The following CDR2L variants were observed in gnomAD, a reference collection of about 807,000 sequenced individuals.
The protein encoded by CDR2L is cerebellar degeneration-related protein 2-like.
In CDR2L, 19 loss-of-function variants were observed where a neutral mutation model predicts 36.1. The ratio of observed to expected loss-of-function variants is 0.53; its 90% CI spans 0.37 to 0.77. The LOEUF (loss-of-function observed/expected upper bound fraction) is 0.77. Among genes scored for constraint, CDR2L ranks in the 30% least tolerant of loss-of-function variants. The probability of loss-of-function intolerance (pLI) is 0.00; values close to 1 mark genes in which losing one functional copy is unlikely to be tolerated. For missense variants in CDR2L, 575 were observed against 627.2 expected (o/e 0.92, Z 0.89); for synonymous variants, 285 against 280.4 (o/e 1.02, Z -0.16).
At chr17:74,997,919 T>TA (rs35218405) in intron 1 of CDR2L, among the ~76,000 whole-genome samples, 12,466 of 125,948 alleles carry the variant, frequency 0.099, 1,268 homozygotes, top group East Asian at 0.58. Flanking sequence ...TTTTAGAAGT[T>TA]AAAAAAAAAA....
chr17:74,993,472 C>T (rs1439547429), intron 1 of CDR2L, among the ~76,000 whole-genome samples: 4 of 152,128 alleles, frequency 2.6e-5, no homozygotes, highest in Non-Finnish European at 5.9e-5. Flanking sequence ...ACAGGGGTCT[C>T]ACTATGTTGC....
Position 74,999,591 on chromosome 17 carries a change from A to G in CDR2L, c.167A>G (p.Asn56Ser), listed in dbSNP as rs763729003. Residue 56 changes from asparagine (N) to serine (S), a missense_variant, in exon 2 of 5, where the codon AAT (asparagine) becomes AGT (serine). Coordinates refer to ENST00000337231, the MANE Select transcript of CDR2L (RefSeq NM_014603.3). ...TCCCTGCAGCAGATGTACTCCACCA[A>G]TGAGGAACAGGTGCAGGAGATCGAG... ...EGSLQQMYST[N>S]EEQVQEIEYL... 1.0e-5 allele frequency: 16 copies of G among 1,580,716 alleles called. No homozygotes were observed. Among genetic ancestry groups the G allele is most frequent in the African/African-American group, 2.7e-5 (2 of 74,190 alleles).
chr17:74,999,533 A>C lies in CDR2L; in HGVS notation c.109A>C (p.Thr37Pro). Reference sequence around the variant, plus strand: ...GCACCTAGCTGCGGAGCTGGGGAAGACTCTGCTGGAGAGGAACAAGGAGCT... The same window carrying C: ...GCACCTAGCTGCGGAGCTGGGGAAGCCTCTGCTGGAGAGGAACAAGGAGCT... Reference protein sequence around the residue: ...DLHLAAELGKTLLERNKELEG... With the variant: ...DLHLAAELGKPLLERNKELEG... Residue 37 changes from threonine (T) to proline (P), a missense_variant, in exon 2 of 5, where the codon ACT becomes CCT. Coordinates refer to ENST00000337231, the MANE Select transcript of CDR2L (RefSeq NM_014603.3). The C allele has an allele frequency of 6.3e-7, 1 of 1,584,382 alleles. No individual in the cohort carries two copies. The highest frequency in any genetic ancestry group is 8.6e-7 in the Non-Finnish European group (1 of 1,165,616).
intron 1 of CDR2L, among the ~76,000 whole-genome samples, chr17:74,995,004 G>A (rs533527767): frequency 6.6e-6 from 1 of 151,638 alleles, no homozygotes; most frequent in South Asian, 2.1e-4. Flanking sequence ...GGGAGGCAGA[G>A]GTTGCAGAGT....
chr17:74,993,296 A>G (rs888236329), intron 1 of CDR2L, among the ~76,000 whole-genome samples: 5 of 150,670 alleles, frequency 3.3e-5, no homozygotes, highest in East Asian at 1.9e-4. Context: ...TTTTTTTTTC[A>G]AGACAGAGTC....
intron 1 of CDR2L, among the ~76,000 whole-genome samples, chr17:74,994,652 C>T (rs1195038470): frequency 6.6e-6 from 1 of 152,032 alleles, no homozygotes; most frequent in Non-Finnish European, 1.5e-5. Flanking sequence ...CTTTGTCTCA[C>T]TGGAATGCAG....
In CDR2L at chr17:75,004,099, C is replaced by A; in HGVS notation, c.*25C>A. 6.3e-7 allele frequency: 1 copy of A among 1,576,374 alleles called. No individual in the cohort carries two copies. The highest frequency in any genetic ancestry group is 8.6e-7 in the Non-Finnish European group (1 of 1,160,486). On this transcript the variant is annotated 3_prime_UTR_variant, in exon 5 of 5. Transcript: ENST00000337231. ...ACCCTTCTCCGGCCTGCAGCCTCCCCCAGGGTGGAAGCCGTGGGGTCCCTC... is the reference window on the plus strand; with the variant it reads ...ACCCTTCTCCGGCCTGCAGCCTCCCACAGGGTGGAAGCCGTGGGGTCCCTC...
intron 3 of CDR2L, 106 bp downstream of exon 3, chr17:75,001,595 G>A: frequency 9.4e-7 from 1 of 1,063,642 alleles, no homozygotes; most frequent in South Asian, 2.0e-5. Flanking sequence ...CGTCTCCCTA[G>A]GAACCGGGGA....
chr17:74,999,122 G>C (rs1309465975), intron 1 of CDR2L, among the ~76,000 whole-genome samples: 1 of 152,186 alleles, frequency 6.6e-6, no homozygotes, highest in Non-Finnish European at 1.5e-5. Flanking sequence ...TGGCTGTTAA[G>C]AGGAGAAGGT....
chr17:74,990,449 G>T (rs140433120), intron 1 of CDR2L, among the ~76,000 whole-genome samples: 2 of 152,338 alleles, frequency 1.3e-5, no homozygotes, highest in Non-Finnish European at 2.9e-5. Context: ...GCCCTCAGAG[G>T]ACTCCACGTT....
rs762801593 is a variant in CDR2L, at chr17:75,003,342, G to C, written c.666G>C (p.Ala222=). ...AGCGGGCGGAGCGCGAGTACACCGC[G>C]GTGCTGCAGGAGTACTCGGAGCTGG... The part of the protein sequence containing the change: ...RKERAEREYT[A]VLQEYSELER... Residue 222 remains alanine (A), a synonymous_variant, in exon 5 of 5, where the codon GCG becomes GCC. Coordinates refer to ENST00000337231, the MANE Select transcript of CDR2L (RefSeq NM_014603.3). 2 of 1,556,598 alleles carry C rather than the reference G, an allele frequency of 1.3e-6. No individual in the cohort carries two copies. The highest frequency in any genetic ancestry group is 1.7e-6 in the Non-Finnish European group (2 of 1,150,906).
intron 3 of CDR2L, among the ~76,000 whole-genome samples, 161 bp from the exon 4 acceptor site, chr17:75,001,903 T>C (rs1271892016): frequency 1.3e-5 from 2 of 152,148 alleles, no homozygotes; most frequent in African/African-American, 4.8e-5. Context: ...TCCTTGGGCA[T>C]GCATAGAATT....
At position 75,003,924 on chromosome 17, in the gene CDR2L, G is replaced by A. The variant is rs1280040798; in HGVS notation, c.1248G>A (p.Lys416=). 1 of 1,610,900 alleles carries A rather than the reference G, an allele frequency of 6.2e-7. No homozygotes were observed. Among genetic ancestry groups the A allele is most frequent in the Admixed American group, 1.7e-5 (1 of 59,634 alleles). The change falls in exon 5 of 5, where the codon AAG becomes AAA. Residue 416 remains lysine (K), a synonymous_variant. Coordinates refer to ENST00000337231, the MANE Select transcript of CDR2L (RefSeq NM_014603.3). ...AGGGTGAGGTCAAGGCAGGAGAGAAGAGCCTGAGCCAGCACGTGGAGGCCG... is the reference window on the plus strand; with the variant it reads ...AGGGTGAGGTCAAGGCAGGAGAGAAAAGCCTGAGCCAGCACGTGGAGGCCG... The part of the protein sequence containing the change: ...EGQGEVKAGE[K]SLSQHVEAVD...
rs1359125055 is a variant in CDR2L, at chr17:75,001,388, C to T, written c.240C>T (p.His80=). 2.5e-6 allele frequency: 4 copies of T among 1,611,924 alleles called. No individual in the cohort carries two copies. The highest frequency in any genetic ancestry group is 2.2e-5 in the South Asian group (2 of 90,598). The change falls in exon 3 of 5, where the codon CAC becomes CAT. Residue 80 remains histidine, a synonymous_variant. Coordinates refer to ENST00000337231, the MANE Select transcript of CDR2L (RefSeq NM_014603.3). ...LDTLRHVNEQ[H]AKVYEQLDLT... is the part of the protein sequence containing the mutation. ...CGCTGCGGCACGTGAACGAGCAGCA[C>T]GCCAAAGTCTATGAGCAGCTGGACC...
In CDR2L at chr17:74,989,902, G is replaced by C. The variant is rs2039786631; in HGVS notation, c.79+1780G>C. On this transcript the variant is annotated intron_variant, in intron 1 of 4. Transcript: ENST00000337231. This position sits in a 1 kb window ranked among gnomAD's most constrained non-coding sequence, Gnocchi z 4.2. ...GATCCACCCGCCTTGGCCTCCCGAA[G>C]TGCTGGGATTACAGGCGTGAGCCAC... Among the ~76,000 whole-genome samples, 1 of 152,192 alleles carries C rather than the reference G, an allele frequency of 6.6e-6. No individual in the cohort carries two copies. The highest frequency in any genetic ancestry group is 2.4e-5 in the African/African-American group (1 of 41,444).
Position 75,004,243 on chromosome 17 carries a change from C to G in CDR2L, c.*169C>G. 2 of 617,986 alleles carry G rather than the reference C, an allele frequency of 3.2e-6. No individual in the cohort carries two copies. The highest frequency in any genetic ancestry group is 5.5e-6 in the Non-Finnish European group (2 of 360,714). The allele number at this position is 617,986 out of a possible 1,614,324, so 38.3% of individuals were successfully genotyped here. A position where few individuals can be genotyped will look rare whatever the true frequency, so the allele number is the denominator to read the frequency against. On this transcript the variant is annotated 3_prime_UTR_variant, in exon 5 of 5. Coordinates refer to ENST00000337231, the MANE Select transcript of CDR2L (RefSeq NM_014603.3). ...TCCCTGCTGAGCGGAGGCAGCCCAC[C>G]TGTCCTGCCTCCCAGGAGCCCTTGG...
intron 1 of CDR2L, among the ~76,000 whole-genome samples, chr17:74,994,866 C>T (rs1232666309): frequency 6.6e-6 from 1 of 151,932 alleles, no homozygotes; most frequent in Non-Finnish European, 1.5e-5. Flanking sequence ...GTCAAGAGAT[C>T]GAGACCATCC....
Position 75,002,175 on chromosome 17 carries a change from C to A in CDR2L, c.453C>A (p.Arg151=), listed in dbSNP as rs766759573. 9.3e-6 allele frequency: 15 copies of A among 1,609,000 alleles called. No homozygotes were observed. Among genetic ancestry groups the A allele is most frequent in the Middle Eastern group, 3.3e-4 (2 of 6,030 alleles). The change falls in exon 4 of 5, where the codon CGC becomes CGA. Residue 151 remains arginine, a synonymous_variant. Coordinates refer to ENST00000337231, the MANE Select transcript of CDR2L (RefSeq NM_014603.3). The surrounding 1 kb of genome is among the most constrained non-coding windows in gnomAD (Gnocchi z 4.1). The part of the protein sequence containing the change: ...QLRVLREKRE[R]RRTIHTFPCL... ...GAGTGCTCCGGGAGAAGCGGGAACGCAGGCGTACCATCCACACCTTCCCCT... is the reference window on the plus strand; with the variant it reads ...GAGTGCTCCGGGAGAAGCGGGAACGAAGGCGTACCATCCACACCTTCCCCT...
In CDR2L at chr17:75,002,873, G is replaced by A. The variant is rs1327105077; in HGVS notation, c.507-310G>A. Among the ~76,000 whole-genome samples, 1 of 152,124 alleles carries A rather than the reference G, an allele frequency of 6.6e-6. No individual in the cohort carries two copies. Among genetic ancestry groups the A allele is most frequent in the African/African-American group, 2.4e-5 (1 of 41,418 alleles). On this transcript the variant is annotated intron_variant, in intron 4 of 4. Transcript: ENST00000337231. The surrounding 1 kb of genome is among the most constrained non-coding windows in gnomAD (Gnocchi z 4.1). Reference sequence around the variant, plus strand: ...GCCTGGTCACCATTAACCATGGAGAGCCCAAAGAAGACACACCCCACGGCC... The same window carrying A: ...GCCTGGTCACCATTAACCATGGAGAACCCAAAGAAGACACACCCCACGGCC...
Sources: allele counts gnomAD v4.1 joint callset (sites outside exome capture counted in the v4.1 genomes callset), GRCh38; gene constraint gnomAD v4.1.1; non-coding constraint Gnocchi (gnomAD v3.1); transcripts MANE v1.5; gene names NCBI Gene and HGNC (gene_info 2026-07-23, HGNC 2026-07-21).